PHACTR3: variants seen among roughly 807,000 people sequenced by gnomAD.
PHACTR3 encodes phosphatase and actin regulator 3.
PHACTR3 carries 16 observed loss-of-function variants against 66.8 expected under a neutral mutation model. The observed-to-expected ratio is 0.24, with a 90% CI of 0.16 to 0.36. The LOEUF (loss-of-function observed/expected upper bound fraction) is 0.36, where lower values mean the gene tolerates loss of function less well. Among genes scored for constraint, PHACTR3 ranks in the 10% least tolerant of loss-of-function variants. The pLI is 1.00. For missense variants in PHACTR3, 647 were observed against 719.9 expected (o/e 0.90, Z 1.16); for synonymous variants, 323 against 292.1 (o/e 1.11, Z -1.08).
chr20:59,728,597 A>G (rs1240996440), intron 1 of PHACTR3, among the ~76,000 whole-genome samples: 1 of 151,938 alleles, frequency 6.6e-6, no homozygotes, highest in Non-Finnish European at 1.5e-5. Context: ...TAGCTTTCTT[A>G]ACTCCTATTG....
rs1245867599 is a variant in PHACTR3, at chr20:59,773,351, C to A, written c.824C>A (p.Pro275His). ...DPSLRGQLST[P>H]TGSPHLTTVH... Reference sequence around the variant, plus strand: ...TCCCTCCGGGGCCAGCTCTCCACACCCACGGGGTCTCCGCATCTCACCACG... The same window carrying A: ...TCCCTCCGGGGCCAGCTCTCCACACACACGGGGTCTCCGCATCTCACCACG... Residue 275 changes from proline (P) to histidine (H), a missense_variant, in exon 6 of 13, where the codon CCC becomes CAC. By Grantham distance (77) the Pro-to-His change is moderately conservative. Coordinates refer to ENST00000371015, the MANE Select transcript of PHACTR3 (RefSeq NM_080672.5). 6.2e-7 allele frequency: 1 copy of A among 1,614,212 alleles called. No individual in the cohort carries two copies. Among genetic ancestry groups the A allele is most frequent in the Non-Finnish European group, 8.5e-7 (1 of 1,180,042 alleles).
upstream of PHACTR3, among the ~76,000 whole-genome samples, chr20:59,601,190 G>T (rs972581951): frequency 6.6e-6 from 1 of 152,162 alleles, no homozygotes; most frequent in Non-Finnish European, 1.5e-5. Context: ...TGATTGGATG[G>T]ACATTGCATA....
At chr20:59,784,982 A>G (rs1009189490) in intron 7 of PHACTR3, among the ~76,000 whole-genome samples, 2 of 147,632 alleles carry the variant, frequency 1.4e-5, no homozygotes, top group African/African-American at 2.5e-5. Context: ...GTCATGATTC[A>G]AGCCTTGGAA....
chr20:59,829,015 C>T lies in PHACTR3; in HGVS notation c.1329-7490C>T, dbSNP rs1048453108. On this transcript the variant is annotated intron_variant, in intron 8 of 12. Coordinates refer to ENST00000371015, the MANE Select transcript of PHACTR3 (RefSeq NM_080672.5). The surrounding 1 kb of genome is among the most constrained non-coding windows in gnomAD (Gnocchi z 4.2). ...ACTTGGAGCTTCCTGGGGTGTTGGACGTAGGGAGTAAGAGGAGCCAGTTCT... is the reference window on the plus strand; with the variant it reads ...ACTTGGAGCTTCCTGGGGTGTTGGATGTAGGGAGTAAGAGGAGCCAGTTCT... Among the ~76,000 whole-genome samples, 2 of 151,826 alleles carry T rather than the reference C, an allele frequency of 1.3e-5. No individual in the cohort carries two copies. Among genetic ancestry groups the T allele is most frequent in the African/African-American group, 2.4e-5 (1 of 41,316 alleles).
intron 1 of PHACTR3, among the ~76,000 whole-genome samples, chr20:59,653,828 T>C (rs1224008677): frequency 6.6e-6 from 1 of 152,198 alleles, no homozygotes; most frequent in Non-Finnish European, 1.5e-5. Context: ...AAAATATCTA[T>C]TTCATAACTC....
At chr20:59,765,617 C>T (rs192167615) in intron 4 of PHACTR3, among the ~76,000 whole-genome samples, 8 of 152,184 alleles carry the variant, frequency 5.3e-5, no homozygotes, top group South Asian at 2.1e-4. Context: ...AATAAAGGAA[C>T]GGAAACTAAT....
At chr20:59,741,165 A>T (rs894461398) in intron 1 of PHACTR3, among the ~76,000 whole-genome samples, 2 of 152,196 alleles carry the variant, frequency 1.3e-5, no homozygotes, top group African/African-American at 2.4e-5. Context: ...CTGCATGTCC[A>T]TGCTTCCTGG....
At chr20:59,636,074 T>C (rs964917851) in intron 1 of PHACTR3, among the ~76,000 whole-genome samples, 21 of 152,396 alleles carry the variant, frequency 1.4e-4, no homozygotes, top group African/African-American at 4.8e-4. Context: ...CTTTCTTCCT[T>C]GTGCCAATCT....
intron 8 of PHACTR3, among the ~76,000 whole-genome samples, chr20:59,833,073 G>A (rs1305004904): frequency 1.3e-5 from 2 of 151,808 alleles, no homozygotes; most frequent in African/African-American, 2.4e-5. Flanking sequence ...GTGGGGTCCT[G>A]GCACTCTGTA....
chr20:59,792,382 G>A (rs145698614), intron 7 of PHACTR3, among the ~76,000 whole-genome samples: 35 of 152,290 alleles, frequency 2.3e-4, no homozygotes, highest in Admixed American at 5.9e-4. Context: ...TTTAATAACC[G>A]GAAAAATGTG....
At chr20:59,734,408 C>T (rs539080098) in intron 1 of PHACTR3, among the ~76,000 whole-genome samples, 2 of 152,264 alleles carry the variant, frequency 1.3e-5, no homozygotes, top group African/African-American at 4.8e-5. Flanking sequence ...TGCATAACCA[C>T]ACCGAGCTAA....
At chr20:59,800,313 T>G (rs1280760991) in intron 7 of PHACTR3, among the ~76,000 whole-genome samples, 1 of 152,248 alleles carries the variant, frequency 6.6e-6, no homozygotes, top group Non-Finnish European at 1.5e-5. Flanking sequence ...CCTAAAGGAT[T>G]TCCTTTGTCA....
At chr20:59,831,767 A>G (rs1355382968) in intron 8 of PHACTR3, among the ~76,000 whole-genome samples, 1 of 152,200 alleles carries the variant, frequency 6.6e-6, no homozygotes, top group Non-Finnish European at 1.5e-5. Context: ...TGCCCCAGCC[A>G]GGTCCAAGCA....
At chr20:59,640,490 C>T (rs961904621) in intron 1 of PHACTR3, among the ~76,000 whole-genome samples, 2 of 152,090 alleles carry the variant, frequency 1.3e-5, no homozygotes, top group Non-Finnish European at 2.9e-5. Flanking sequence ...CTTTGGGGTG[C>T]AGAGACACTG....
intron 4 of PHACTR3, among the ~76,000 whole-genome samples, chr20:59,756,822 T>C (rs1217994431): frequency 6.7e-6 from 1 of 149,924 alleles, no homozygotes; most frequent in Non-Finnish European, 1.5e-5. Flanking sequence ...TCCCTCCCCC[T>C]CCCCCCACCA....
chr20:59,780,207 G>C (rs6123934), intron 7 of PHACTR3, among the ~76,000 whole-genome samples: 89,470 of 151,976 alleles, frequency 0.59, 28,806 homozygotes, highest in Non-Finnish European at 0.71. Context: ...GCTTCTCCCA[G>C]GTGCTCATGA....
At chr20:59,680,358 G>A (rs1372216779) in intron 1 of PHACTR3, among the ~76,000 whole-genome samples, 2 of 152,052 alleles carry the variant, frequency 1.3e-5, no homozygotes, top group African/African-American at 4.8e-5. Flanking sequence ...GTGGTGGCAG[G>A]CTGGACAGGA....
In PHACTR3 at chr20:59,639,663, C is replaced by A. The variant is rs188577322; in HGVS notation, c.118+34531C>A. 7.2e-4 allele frequency among the ~76,000 whole-genome samples: 110 copies of A among 152,262 alleles called. 1 individual carries two copies. Among genetic ancestry groups the A allele is most frequent in the Middle Eastern group, 3.4e-3 (1 of 294 alleles). On this transcript the variant is annotated intron_variant, in intron 1 of 12. Transcript: ENST00000371015. The stretch of plus-strand genomic sequence containing the variant: ...GCTGTGTGGCTTTGGGCAAGTTAAT[C>A]CCTCTCTCTGAGCTTCAGTTCCCAT...
At chr20:59,739,555 G>A (rs1034022357) in intron 1 of PHACTR3, among the ~76,000 whole-genome samples, 2 of 152,104 alleles carry the variant, frequency 1.3e-5, no homozygotes, top group East Asian at 1.9e-4. Context: ...AGGGCGAAGG[G>A]GGAGGAGCCT....
Sources: gnomAD v4.1 joint callset for allele counts (sites outside exome capture counted in the v4.1 genomes callset) on GRCh38, gnomAD v4.1.1 for gene constraint, Gnocchi (gnomAD v3.1) non-coding constraint, MANE v1.5 for transcripts, NCBI Gene and HGNC (gene_info 2026-07-23, HGNC 2026-07-21) for gene names.